ANK3: variants seen among roughly 807,000 people sequenced by gnomAD.
ANK3 encodes ankyrin-3.
A neutral mutation model predicts 370.9 loss-of-function variants in ANK3; 57 were observed. The observed-to-expected ratio is 0.15, with a 90% CI of 0.12 to 0.19. ANK3 has a LOEUF of 0.19. Ranked by LOEUF, ANK3 falls within the 10% of genes least tolerant of loss-of-function variation. The probability of loss-of-function intolerance (pLI) is 1.00; values close to 1 mark genes in which losing one functional copy is unlikely to be tolerated. For synonymous variants in ANK3, 1,929 were observed against 1,946.3 expected, an observed-to-expected ratio of 0.99 and a Z score of 0.23; for missense variants, 4,439 against 5,302.1, an observed-to-expected ratio of 0.84 and a Z score of 5.06.
intron 43 of ANK3, among the ~76,000 whole-genome samples, chr10:60,038,777 C>T (rs2075584207): frequency 6.6e-6 from 1 of 152,156 alleles, no homozygotes; most frequent in Admixed American, 6.5e-5. Flanking sequence ...AAAGATCACA[C>T]ACCAATCTTA....
chr10:60,595,422 C>T (rs1313150376), intron 2 of ANK3, among the ~76,000 whole-genome samples: 1 of 152,142 alleles, frequency 6.6e-6, no homozygotes, highest in Non-Finnish European at 1.5e-5. Context: ...TGTCTTCTTG[C>T]ACTGAGTCAG....
chr10:60,266,854 G>A (rs527265129), intron 5 of ANK3, among the ~76,000 whole-genome samples: 1 of 152,252 alleles, frequency 6.6e-6, no homozygotes, highest in African/African-American at 2.4e-5. Flanking sequence ...CCATCCCCTG[G>A]TTGCTCAAGG....
chr10:60,176,567 G>C (rs1333619739), intron 18 of ANK3, among the ~76,000 whole-genome samples: 1 of 151,994 alleles, frequency 6.6e-6, no homozygotes, highest in Non-Finnish European at 1.5e-5. Context: ...CTCGAGATCA[G>C]CCTGCCCAGT....
chr10:60,642,814 A>C (rs562800814), intron 1 of ANK3, among the ~76,000 whole-genome samples: 14 of 152,260 alleles, frequency 9.2e-5, no homozygotes, highest in African/African-American at 3.4e-4. Context: ...TTTTATAATA[A>C]GGAGTTAATT....
intron 25 of ANK3, among the ~76,000 whole-genome samples, chr10:60,132,770 C>A (rs556595725): frequency 1.3e-5 from 2 of 151,800 alleles, no homozygotes; most frequent in African/African-American, 2.4e-5. Flanking sequence ...ATGCCCACCA[C>A]GACACCTGGC....
In ANK3 at chr10:60,635,019, C is replaced by G. The variant is rs181074450; in HGVS notation, c.58-19795G>C. On this transcript the variant is annotated intron_variant, in intron 1 of 43. Transcript: ENST00000373827. ...GCTTCATTCTTGAAGTCAGTGAGAC[C>G]AAGAACCCACCGGAAGGAACCAATT... Among the ~76,000 whole-genome samples the G allele has an allele frequency of 5.5e-4, 84 of 152,262 alleles. 2 individuals are homozygous for G. The East Asian group carries it at 0.014, about 25-fold the overall frequency.
intron 1 of ANK3, among the ~76,000 whole-genome samples, chr10:60,325,834 G>A (rs956341759): frequency 6.6e-6 from 1 of 152,104 alleles, no homozygotes; most frequent in African/African-American, 2.4e-5. Flanking sequence ...GCACACATAC[G>A]TTCTTTGCAG....
chr10:60,348,369 A>AAACACACAC, intron 1 of ANK3, among the ~76,000 whole-genome samples: 1 of 128,060 alleles, frequency 7.8e-6, no homozygotes, highest in Admixed American at 8.0e-5. Flanking sequence ...AAAAAAAAAA[A>AAACACACAC]ACACAAAAAA....
chr10:60,472,065 T>C (rs915539868), intron 2 of ANK3, among the ~76,000 whole-genome samples: 2 of 152,150 alleles, frequency 1.3e-5, no homozygotes, highest in Non-Finnish European at 2.9e-5. Flanking sequence ...TTAGATCTTA[T>C]CAGATAGAGT....
chr10:60,067,870 T>G (rs1007568665), intron 38 of ANK3, 65 bp downstream of exon 38: 2 of 1,329,822 alleles, frequency 1.5e-6, no homozygotes, highest in African/African-American at 1.5e-5. Flanking sequence ...TATATTGAAC[T>G]GCTTGTGAGT....
intron 28 of ANK3, among the ~76,000 whole-genome samples, chr10:60,089,121 GCAT>G (rs1205770488): frequency 1.3e-5 from 2 of 152,142 alleles, no homozygotes; most frequent in African/African-American, 4.8e-5. Context: ...CAAATGTTTA[GCAT>G]CATCATCACC....
chr10:60,446,788 A>G (rs1298756140), intron 2 of ANK3, among the ~76,000 whole-genome samples: 1 of 152,168 alleles, frequency 6.6e-6, no homozygotes, highest in Non-Finnish European at 1.5e-5. Context: ...TATTATCAAG[A>G]CAAATGGTCT....
At chr10:60,252,288 C>T (rs1302290990) in intron 7 of ANK3, among the ~76,000 whole-genome samples, 1 of 152,146 alleles carries the variant, frequency 6.6e-6, no homozygotes, top group East Asian at 1.9e-4. Context: ...GACCAGGATT[C>T]ATCTGAGCAG....
At chr10:60,305,404 C>A (rs1328232803) in intron 1 of ANK3, among the ~76,000 whole-genome samples, 1 of 147,158 alleles carries the variant, frequency 6.8e-6, no homozygotes, top group Non-Finnish European at 1.5e-5. Context: ...TTCGTGTCCT[C>A]CTATCCACCG....
intron 2 of ANK3, among the ~76,000 whole-genome samples, chr10:60,461,545 A>G (rs1415983161): frequency 6.6e-6 from 1 of 152,136 alleles, no homozygotes; most frequent in Non-Finnish European, 1.5e-5. Context: ...TTTAAATTGA[A>G]TCTGTATACA....
chr10:60,213,364 C>A, intron 9 of ANK3, 48 bp downstream of exon 9: 1 of 1,310,362 alleles, frequency 7.6e-7, no homozygotes, highest in East Asian at 2.3e-5. Flanking sequence ...ATCATATAAC[C>A]ATCAAAATAA....
chr10:60,100,950 ATTT>A (rs752342858), intron 28 of ANK3, among the ~76,000 whole-genome samples: 2 of 152,136 alleles, frequency 1.3e-5, no homozygotes, highest in Non-Finnish European at 2.9e-5. Flanking sequence ...GGTGAAATTA[ATTT>A]TTTATTTGTT....
At chr10:60,651,039 T>G (rs570521912) in intron 1 of ANK3, among the ~76,000 whole-genome samples, 3 of 152,154 alleles carry the variant, frequency 2.0e-5, no homozygotes, top group Non-Finnish European at 4.4e-5. Context: ...GAGGCTACAG[T>G]GAGCTGTGGT....
chr10:60,339,660 G>C (rs1031867247), intron 1 of ANK3, among the ~76,000 whole-genome samples: 1 of 152,124 alleles, frequency 6.6e-6, no homozygotes, highest in African/African-American at 2.4e-5. Flanking sequence ...TTTGAAAATA[G>C]TAAATGAAAT....
Sources: allele counts gnomAD v4.1 joint callset (sites outside exome capture counted in the v4.1 genomes callset), GRCh38; gene constraint gnomAD v4.1.1; transcripts MANE v1.5; gene names NCBI Gene and HGNC (gene_info 2026-07-23, HGNC 2026-07-21).